PRKG1: variants seen among roughly 807,000 people sequenced by gnomAD.
PRKG1 encodes protein kinase cGMP-dependent 1.
PRKG1 carries 35 observed loss-of-function variants against 88.1 expected under a neutral mutation model. The observed-to-expected ratio is 0.40, with a 90% CI of 0.30 to 0.53. The LOEUF is 0.53. Among genes scored for constraint, PRKG1 ranks in the 20% least tolerant of loss-of-function variants. PRKG1 has a pLI of 0.59. For synonymous variants in PRKG1, 303 were observed against 292.5 expected, an observed-to-expected ratio of 1.04 and a Z score of -0.37; for missense variants, 540 against 839.8, an observed-to-expected ratio of 0.64 and a Z score of 4.41.
chr10:52,291,502 G>A (rs557437488), intron 17 of PRKG1, among the ~76,000 whole-genome samples: 186 of 148,024 alleles, frequency 1.3e-3, no homozygotes, highest in African/African-American at 3.0e-3. Flanking sequence ...GAGAATATGC[G>A]GTGTTTGGTT....
intron 1 of PRKG1, among the ~76,000 whole-genome samples, chr10:51,030,689 A>G (rs1363326629): frequency 6.6e-6 from 1 of 152,088 alleles, no homozygotes; most frequent in Non-Finnish European, 1.5e-5. Flanking sequence ...CCTTGCAGTA[A>G]TGAGTTCTTG....
At chr10:51,797,398 T>A (rs1219006534) in intron 3 of PRKG1, among the ~76,000 whole-genome samples, 2 of 146,204 alleles carry the variant, frequency 1.4e-5, no homozygotes, top group East Asian at 3.9e-4. Flanking sequence ...ATATCTTTAT[T>A]ATATTATTTA....
chr10:51,588,042 T>A (rs1295857786), intron 3 of PRKG1, among the ~76,000 whole-genome samples: 1 of 152,198 alleles, frequency 6.6e-6, no homozygotes, highest in African/African-American at 2.4e-5. Flanking sequence ...ACAGAATGGT[T>A]CAGAGATGCT....
chr10:51,578,963 T>G (rs1837957163), intron 3 of PRKG1, among the ~76,000 whole-genome samples: 1 of 150,536 alleles, frequency 6.6e-6, no homozygotes, highest in African/African-American at 2.4e-5. Flanking sequence ...CAGAAGAGTT[T>G]GGAATAAGTT....
In PRKG1 at chr10:51,314,510, A is replaced by G. The variant is rs377086191; in HGVS notation, c.479-153213A>G. Among the ~76,000 whole-genome samples, 4 of 152,356 alleles carry G rather than the reference A, an allele frequency of 2.6e-5. No individual in the cohort carries two copies. In the East Asian group the frequency reaches 5.8e-4, roughly 22 times the overall value. ...TGTCATTCACAGCTAATTACTAAGC[A>G]GTACAGTAACAATTATGTGGATGAT... On this transcript the variant is annotated intron_variant, in intron 2 of 17. Transcript: ENST00000373980.
intron 4 of PRKG1, among the ~76,000 whole-genome samples, chr10:51,878,347 A>G (rs551506572): frequency 6.6e-6 from 1 of 152,222 alleles, no homozygotes; most frequent in African/African-American, 2.4e-5. Context: ...TATGTTGAAC[A>G]GGGGGAAGTT....
At chr10:51,273,643 A>T (rs1358740229) in intron 2 of PRKG1, among the ~76,000 whole-genome samples, 2 of 152,242 alleles carry the variant, frequency 1.3e-5, no homozygotes, top group African/African-American at 4.8e-5. Flanking sequence ...GCCAACATTT[A>T]AACACTGGGA....
At chr10:52,187,264 A>AT (rs745877177) in intron 9 of PRKG1, among the ~76,000 whole-genome samples, 5 of 152,042 alleles carry the variant, frequency 3.3e-5, no homozygotes, top group African/African-American at 4.8e-5. Flanking sequence ...GTTGACTGGC[A>AT]TTTTTTTACA....
intron 5 of PRKG1, among the ~76,000 whole-genome samples, chr10:52,045,295 G>A (rs1329636847): frequency 1.3e-5 from 2 of 151,758 alleles, no homozygotes; most frequent in Non-Finnish European, 2.9e-5. Flanking sequence ...AGCAACCTAA[G>A]GGCTTTAAAT....
intron 2 of PRKG1, among the ~76,000 whole-genome samples, chr10:51,462,211 G>A (rs1839766206): frequency 6.6e-6 from 1 of 152,116 alleles, no homozygotes; most frequent in African/African-American, 2.4e-5. Context: ...AGAACACCTG[G>A]TTCCCTTTAA....
chr10:51,446,158 A>C (rs537877707), intron 2 of PRKG1, among the ~76,000 whole-genome samples: 4 of 152,072 alleles, frequency 2.6e-5, no homozygotes, highest in Non-Finnish European at 4.4e-5. Flanking sequence ...TATTCATATG[A>C]TGAATAATTC....
At chr10:51,499,332 G>C (rs2132889447) in intron 3 of PRKG1, among the ~76,000 whole-genome samples, 1 of 152,266 alleles carries the variant, frequency 6.6e-6, no homozygotes, top group Middle Eastern at 3.4e-3. Context: ...TTAACTAGAA[G>C]GCACTCTCAA....
intron 5 of PRKG1, among the ~76,000 whole-genome samples, chr10:51,948,936 T>G (rs1216205667): frequency 6.6e-6 from 1 of 152,210 alleles, no homozygotes; most frequent in Non-Finnish European, 1.5e-5. Context: ...ATGAACTATT[T>G]GTGTGCATGT....
chr10:51,232,126 G>A (rs145514759), intron 2 of PRKG1, among the ~76,000 whole-genome samples: 1 of 152,266 alleles, frequency 6.6e-6, no homozygotes, highest in East Asian at 1.9e-4. Context: ...ATGTAGGGGA[G>A]CAATTTCTGT....
chr10:50,993,849 A>G (rs1842806752), intron 1 of PRKG1, among the ~76,000 whole-genome samples: 2 of 152,186 alleles, frequency 1.3e-5, no homozygotes, highest in Admixed American at 6.5e-5. Context: ...GTTTGTATGT[A>G]CTGGGAGGAA....
chr10:52,206,349 G>T (rs1250073432), intron 9 of PRKG1, among the ~76,000 whole-genome samples: 1 of 151,996 alleles, frequency 6.6e-6, no homozygotes, highest in African/African-American at 2.4e-5. Flanking sequence ...ATTGGGTTTT[G>T]TCTTTCTCTT....
rs149197460 is a variant in PRKG1 at position 51,647,511 on chromosome 10, G to A, written c.593-157074G>A. On this transcript the variant is annotated intron_variant, in intron 3 of 17. Coordinates refer to ENST00000373980, the MANE Select transcript of PRKG1 (RefSeq NM_006258.4). ...AGCGAACTTGGCTTTGCCATTTATC[G>A]TTTTTGTATCTCCAGTTACTCATAT... Among the ~76,000 whole-genome samples the A allele has an allele frequency of 1.4e-3, 208 of 152,220 alleles. 1 individual carries two copies. The highest frequency in any genetic ancestry group is 4.9e-3 in the African/African-American group (203 of 41,560).
intron 3 of PRKG1, among the ~76,000 whole-genome samples, chr10:51,494,093 C>T (rs1350401775): frequency 6.6e-6 from 1 of 152,094 alleles, no homozygotes; most frequent in Non-Finnish European, 1.5e-5. Context: ...TGGGGTCTTG[C>T]TCTGTCTCCC....
At position 52,052,519 on chromosome 10, in the gene PRKG1, C is replaced by G. The variant is rs575930862; in HGVS notation, c.763-1965C>G. ...GAGGCTGTATTAGTTCATTCTCATA[C>G]TGTTGGTAAAGACATCCCTAAGACT... On this transcript the variant is annotated intron_variant, in intron 5 of 17. Transcript: ENST00000373980. 2.6e-5 allele frequency among the ~76,000 whole-genome samples: 4 copies of G among 152,154 alleles called. No individual in the cohort carries two copies. The Middle Eastern group carries it at 0.01, about 388-fold the overall frequency.
Sources: allele counts gnomAD v4.1 joint callset (sites outside exome capture counted in the v4.1 genomes callset), GRCh38; gene constraint gnomAD v4.1.1; transcripts MANE v1.5; gene names NCBI Gene and HGNC (gene_info 2026-07-23, HGNC 2026-07-21).